The following ACTR3C variants were observed in gnomAD, a reference collection of about 807,000 sequenced individuals.
The protein encoded by ACTR3C is actin related protein 3C, also known as actin-related protein 3C.
ACTR3C carries 18 observed loss-of-function variants against 26.3 expected under a neutral mutation model. That is an observed-to-expected ratio of 0.68 (90% confidence interval 0.47 to 1.01). ACTR3C has a LOEUF of 1.01. Among genes scored for constraint, ACTR3C ranks in the 50% least tolerant of loss-of-function variants. ACTR3C has a pLI of 0.00. For synonymous variants in ACTR3C, 55 were observed against 94.5 expected (o/e 0.58, Z 2.42); for missense variants, 184 against 250.7 (o/e 0.73, Z 1.80).
At chr7:150,212,424 C>A in the ACTR3C span, among the ~76,000 whole-genome samples, 2 of 146,582 alleles carry the variant, frequency 1.4e-5, no homozygotes, top group African/African-American at 2.7e-5. Flanking sequence ...TTTTAAAAAT[C>A]AATAAAATGT....
At chr7:149,966,515 T>C in the ACTR3C span, among the ~76,000 whole-genome samples, 2 of 152,210 alleles carry the variant, frequency 1.3e-5, no homozygotes, top group African/African-American at 4.8e-5. Flanking sequence ...CATTCTCACA[T>C]AGCATTACCC....
At chr7:150,038,084 G>A in the ACTR3C span, among the ~76,000 whole-genome samples, 1 of 141,616 alleles carries the variant, frequency 7.1e-6, no homozygotes, top group Non-Finnish European at 1.6e-5. Flanking sequence ...CGCGGGGGGT[G>A]CCTCCCCCCC....
chr7:150,057,183 A>G, the ACTR3C span, among the ~76,000 whole-genome samples: 1 of 152,058 alleles, frequency 6.6e-6, no homozygotes, highest in Admixed American at 6.5e-5. Flanking sequence ...TTCCAAGATA[A>G]AACACAAGAC....
the ACTR3C span, among the ~76,000 whole-genome samples, chr7:149,886,345 C>T: frequency 6.6e-6 from 1 of 152,182 alleles, no homozygotes; most frequent in Admixed American, 6.5e-5. Flanking sequence ...TGTCGAATGT[C>T]TTTAATGTAT....
chr7:150,141,813 C>T, the ACTR3C span, among the ~76,000 whole-genome samples: 1 of 151,952 alleles, frequency 6.6e-6, no homozygotes, highest in Non-Finnish European at 1.5e-5. Flanking sequence ...GTTCCAAGCG[C>T]TTGCCAAGCA....
the ACTR3C span, among the ~76,000 whole-genome samples, chr7:149,893,409 A>G: frequency 3.9e-5 from 6 of 152,352 alleles, no homozygotes; most frequent in Non-Finnish European, 8.8e-5. Flanking sequence ...TCAGATGTCA[A>G]TAACTAATAA....
the ACTR3C span, among the ~76,000 whole-genome samples, chr7:150,226,335 A>G: frequency 4.6e-5 from 7 of 152,050 alleles, no homozygotes; most frequent in Non-Finnish European, 2.9e-5. Flanking sequence ...GATTGCTCCT[A>G]TTGCTCTGCT....
At chr7:150,201,421 C>T in the ACTR3C span, among the ~76,000 whole-genome samples, 1 of 152,124 alleles carries the variant, frequency 6.6e-6, no homozygotes, top group Non-Finnish European at 1.5e-5. Context: ...TCAATGTTTC[C>T]CACAATATGT....
At chr7:150,153,548 G>A in the ACTR3C span, among the ~76,000 whole-genome samples, 1 of 135,196 alleles carries the variant, frequency 7.4e-6, no homozygotes, top group Non-Finnish European at 1.5e-5. Context: ...AGTTAGAATG[G>A]CAATCATTAA....
At chr7:150,079,723 G>T in the ACTR3C span, among the ~76,000 whole-genome samples, 246 of 152,246 alleles carry the variant, frequency 1.6e-3, no homozygotes, top group African/African-American at 5.8e-3. Context: ...TGGGGGCAGT[G>T]ATTTTTCACA....
the ACTR3C span, among the ~76,000 whole-genome samples, chr7:149,969,734 T>C: frequency 2.0e-5 from 3 of 152,254 alleles, no homozygotes; most frequent in African/African-American, 7.2e-5. Flanking sequence ...TAAAATGACA[T>C]AACTTAGTAT....
At chr7:149,906,626 G>A in the ACTR3C span, among the ~76,000 whole-genome samples, 34 of 147,256 alleles carry the variant, frequency 2.3e-4, no homozygotes, top group African/African-American at 8.1e-4. Context: ...GAGATGGGGT[G>A]TTGCCATTTT....
chr7:150,039,739 G>A, the ACTR3C span, among the ~76,000 whole-genome samples: 1 of 144,594 alleles, frequency 6.9e-6, no homozygotes, highest in Admixed American at 7.0e-5. Context: ...CCCTCGCGGG[G>A]GGTGCCTCCC....
the ACTR3C span, among the ~76,000 whole-genome samples, chr7:150,021,431 T>C: frequency 2.0e-5 from 3 of 150,870 alleles, no homozygotes; most frequent in African/African-American, 7.4e-5. Context: ...TTGAGAGTTA[T>C]TGTCTATTTC....
At chr7:150,263,926 TACTC>T (rs1355011278) in intron 6 of ACTR3C, among the ~76,000 whole-genome samples, 1 of 152,160 alleles carries the variant, frequency 6.6e-6, no homozygotes, top group African/African-American at 2.4e-5. Flanking sequence ...CTTAAGCAAA[TACTC>T]AGGAAGACAG....
At chr7:150,149,915 A>T in the ACTR3C span, among the ~76,000 whole-genome samples, 1 of 152,232 alleles carries the variant, frequency 6.6e-6, no homozygotes, top group African/African-American at 2.4e-5. Context: ...GCACACTGAG[A>T]AAAATGACTA....
the ACTR3C span, among the ~76,000 whole-genome samples, chr7:149,912,156 A>T: frequency 6.6e-6 from 1 of 152,032 alleles, no homozygotes; most frequent in South Asian, 2.1e-4. Context: ...TATGAAACAA[A>T]TGGTAAATCT....
chr7:150,040,051 G>A, the ACTR3C span, among the ~76,000 whole-genome samples: 26 of 137,556 alleles, frequency 1.9e-4, 4 homozygotes, highest in African/African-American at 2.8e-4. Context: ...TCCCCGCCTC[G>A]CGGGGGGTGC....
At chr7:150,249,916 C>G (rs1225657368) in intron 6 of ACTR3C, among the ~76,000 whole-genome samples, 1 of 152,242 alleles carries the variant, frequency 6.6e-6, no homozygotes, top group Non-Finnish European at 1.5e-5. Context: ...CTCCACTTTA[C>G]TCCACGTGAT....
Sources: allele counts gnomAD v4.1 joint callset (sites outside exome capture counted in the v4.1 genomes callset), GRCh38; gene constraint gnomAD v4.1.1; transcripts MANE v1.5; gene names NCBI Gene and HGNC (gene_info 2026-07-23, HGNC 2026-07-21).